The following CCDC144A variants were observed in gnomAD, a reference collection of about 807,000 sequenced individuals.
The protein encoded by CCDC144A is coiled-coil domain-containing protein 144A.
A neutral mutation model predicts 143.8 loss-of-function variants in CCDC144A; 41 were observed. The observed-to-expected ratio is 0.29, with a 90% CI of 0.22 to 0.37. The LOEUF (loss-of-function observed/expected upper bound fraction) is 0.37, where lower values mean the gene tolerates loss of function less well. Among genes scored for constraint, CCDC144A ranks in the 10% least tolerant of loss-of-function variants. The pLI is 1.00. For synonymous variants in CCDC144A, 242 were observed against 517.9 expected (o/e 0.47, Z 7.23); for missense variants, 637 against 1,488.8 (o/e 0.43, Z 9.41).
At chr17:16,692,306 C>T (rs1911135719) in intron 1 of CCDC144A, among the ~76,000 whole-genome samples, 2 of 150,116 alleles carry the variant, frequency 1.3e-5, no homozygotes, top group African/African-American at 4.9e-5. Context: ...TTGATGAGCT[C>T]AGTAATAGTG....
chr17:16,744,274 T>C (rs1914390203), intron 12 of CCDC144A, among the ~76,000 whole-genome samples: 1 of 152,220 alleles, frequency 6.6e-6, no homozygotes, highest in Non-Finnish European at 1.5e-5. Context: ...CCAAACTGCT[T>C]TCCACAGTGG....
At chr17:16,746,259 G>GTC (rs1178734036) in intron 12 of CCDC144A, 441 of 1,092,776 alleles carry the variant, frequency 4.0e-4, no homozygotes, top group African/African-American at 1.0e-3. Flanking sequence ...CTGTTTATCT[G>GTC]TCTCTCTCTC....
the CCDC144A span, among the ~76,000 whole-genome samples, chr17:16,668,305 A>G: frequency 6.6e-6 from 1 of 152,138 alleles, no homozygotes; most frequent in African/African-American, 2.4e-5. Flanking sequence ...ATTTTAATGT[A>G]TTTTTTAATT....
chr17:16,685,510 A>T (rs1045498167), upstream of CCDC144A, among the ~76,000 whole-genome samples: 1 of 151,904 alleles, frequency 6.6e-6, no homozygotes, highest in African/African-American at 2.4e-5. Flanking sequence ...CCTCCTGAGT[A>T]ACTGGGATTA....
At chr17:16,725,002 A>ATT (rs1167527388) in intron 8 of CCDC144A, among the ~76,000 whole-genome samples, 1,773 of 37,276 alleles carry the variant, frequency 0.048, 236 homozygotes, top group East Asian at 0.077. Context: ...ATAGCTGGTA[A>ATT]TTTTTTTTTT....
At chr17:16,765,900 ATGT>A (rs1256491139) in intron 15 of CCDC144A, 2 of 152,270 alleles carry the variant, frequency 1.3e-5, no homozygotes, top group Admixed American at 1.3e-4. Context: ...TGCAAATATA[ATGT>A]TCTCATTAGT....
chr17:16,720,767 C>T (rs1913047746), intron 8 of CCDC144A, 109 bp downstream of exon 8: 1 of 1,536,214 alleles, frequency 6.5e-7, no homozygotes, highest in Admixed American at 2.0e-5. Context: ...GAAATACGCT[C>T]AGTGTTAAAA....
chr17:16,699,477 ACC>A (rs1911601829), intron 2 of CCDC144A, among the ~76,000 whole-genome samples: 1 of 93,304 alleles, frequency 1.1e-5, no homozygotes, highest in African/African-American at 4.4e-5. Flanking sequence ...CCGGGTTCAC[ACC>A]ATTCTCCTGC....
intron 12 of CCDC144A, chr17:16,746,753 A>G: frequency 5.6e-6 from 9 of 1,608,772 alleles, no homozygotes; most frequent in Non-Finnish European, 7.6e-6. Flanking sequence ...CAGGCGGCAG[A>G]TGACCACCTG....
intron 2 of CCDC144A, among the ~76,000 whole-genome samples, chr17:16,699,780 A>G (rs1911629242): frequency 6.6e-6 from 1 of 151,688 alleles, no homozygotes; most frequent in African/African-American, 2.4e-5. Context: ...ATTGTCAGTC[A>G]TTAAGATTTT....
At chr17:16,724,787 ATTTTTTTTTTTTTTTTTTTTTTTT>A (rs760344292) in intron 8 of CCDC144A, among the ~76,000 whole-genome samples, 5 of 35,068 alleles carry the variant, frequency 1.4e-4, no homozygotes, top group African/African-American at 2.2e-4. Context: ...GATTAACTGA[ATTTTTTTTTTTTTTTTTTTTTTTT>A]TTTTTTTTTT....
At chr17:16,671,364 T>G in the CCDC144A span, among the ~76,000 whole-genome samples, 3 of 152,132 alleles carry the variant, frequency 2.0e-5, no homozygotes, top group Non-Finnish European at 2.9e-5. Flanking sequence ...AAATTTTTAT[T>G]CAAAATTTGA....
chr17:16,767,726 C>T (rs1314893470), intron 15 of CCDC144A, among the ~76,000 whole-genome samples: 1 of 152,188 alleles, frequency 6.6e-6, no homozygotes, highest in Non-Finnish European at 1.5e-5. Flanking sequence ...TCTCTAACCT[C>T]AAGAAAAATG....
rs753342878 is a variant in CCDC144A at position 16,764,026 on chromosome 17, T to A, written c.3949T>A (p.Ser1317Thr). ...QLTVEKEQTR[S>T]RSLFTAYATR... ...TACTGTGGAGAAAGAGCAGACCAGA[T>A]CCAGATCTCTATTCACTGCTTATGC... The change falls in exon 15 of 17, where the codon TCC becomes ACC. Residue 1317 changes from serine to threonine, a missense_variant. Coordinates refer to ENST00000399273, the MANE Select transcript of CCDC144A (RefSeq NM_001382000.1). The A allele has an allele frequency of 6.2e-7, 1 of 1,613,690 alleles. No individual in the cohort carries two copies. Among genetic ancestry groups the A allele is most frequent in the Non-Finnish European group, 8.5e-7 (1 of 1,179,692 alleles).
chr17:16,699,487 T>G (rs1329634492), intron 2 of CCDC144A, among the ~76,000 whole-genome samples: 2 of 80,526 alleles, frequency 2.5e-5, no homozygotes, highest in Non-Finnish European at 4.7e-5. Context: ...ACCATTCTCC[T>G]GCCTCAGCCT....
At position 16,760,389 on chromosome 17, in the gene CCDC144A, G is replaced by A. The variant is rs1454164612; in HGVS notation, c.3373-1036G>A. Among the ~76,000 whole-genome samples the A allele has an allele frequency of 2.1e-5, 3 of 143,520 alleles. No individual in the cohort carries two copies. In the East Asian group the frequency reaches 6.0e-4, roughly 29 times the overall value. 94.2% of individuals were successfully genotyped at this position (143,520 alleles called of 152,430 possible). A position where few individuals can be genotyped will look rare whatever the true frequency, so the allele number is the denominator to read the frequency against. ...AACTCAGCACCATTGAAATTTCAGTGCAATTTTTTGTTGTCATTCTTTAAT... is the reference window on the plus strand; with the variant it reads ...AACTCAGCACCATTGAAATTTCAGTACAATTTTTTGTTGTCATTCTTTAAT... On this transcript the variant is annotated intron_variant, in intron 12 of 16. Transcript: ENST00000399273.
At chr17:16,688,890 G>A (rs1358747987), upstream of CCDC144A, among the ~76,000 whole-genome samples, 1 of 152,142 alleles carries the variant, frequency 6.6e-6, no homozygotes. Flanking sequence ...CCTAATTTTA[G>A]TTGGTCAGAG....
At chr17:16,687,617 C>G (rs1910829152), upstream of CCDC144A, among the ~76,000 whole-genome samples, 1 of 152,106 alleles carries the variant, frequency 6.6e-6, no homozygotes, top group South Asian at 2.1e-4. Context: ...CTTAGTCTCC[C>G]CCTCCTCTTC....
Position 16,690,664 on chromosome 17 carries a change from C to T in CCDC144A, c.264C>T (p.Ala88=), listed in dbSNP as rs766895399. 2 of 1,613,836 alleles carry T rather than the reference C, an allele frequency of 1.2e-6. No individual in the cohort carries two copies. Among genetic ancestry groups the T allele is most frequent in the Admixed American group, 1.7e-5 (1 of 60,012 alleles). The change falls in exon 1 of 17, where the codon GCC becomes GCT. Residue 88 remains alanine (A), a synonymous_variant. Coordinates refer to ENST00000399273, the MANE Select transcript of CCDC144A (RefSeq NM_001382000.1). ...ATCTTGGCGAGCTCCACAGAGCTGC[C>T]CGGTCGGGCGACGTCCCTGGGGTGG... ...LEDLGELHRA[A]RSGDVPGVEH...
Sources: gnomAD v4.1 joint callset for allele counts (sites outside exome capture counted in the v4.1 genomes callset) on GRCh38, gnomAD v4.1.1 for gene constraint, MANE v1.5 for transcripts, NCBI Gene and HGNC (gene_info 2026-07-23, HGNC 2026-07-21) for gene names.